The following PLXNA4 variants were observed in gnomAD, a reference collection of about 807,000 sequenced individuals.
PLXNA4 encodes plexin-A4.
Under a neutral mutation model 191.8 loss-of-function variants are expected in PLXNA4, and 44 were observed. The observed-to-expected ratio is 0.23, with a 90% CI of 0.18 to 0.29. PLXNA4 has a LOEUF of 0.29. Among genes scored for constraint, PLXNA4 ranks in the 10% least tolerant of loss-of-function variants. PLXNA4 has a pLI of 1.00. For synonymous variants in PLXNA4, 1,082 were observed against 1,009.5 expected (o/e 1.07, Z -1.36); for missense variants, 1,800 against 2,488.8 (o/e 0.72, Z 5.89).
intron 21 of PLXNA4, among the ~76,000 whole-genome samples, chr7:132,172,009 T>G (rs1584792251): frequency 6.6e-6 from 1 of 152,128 alleles, no homozygotes; most frequent in African/African-American, 2.4e-5. Context: ...AGACATCTAG[T>G]GCATCAGGGT....
At chr7:132,500,883 G>A (rs1208432667) in intron 2 of PLXNA4, among the ~76,000 whole-genome samples, 2 of 152,292 alleles carry the variant, frequency 1.3e-5, no homozygotes, top group East Asian at 3.9e-4. Context: ...TGCTTGCCCA[G>A]TGATATCTCA....
intron 2 of PLXNA4, among the ~76,000 whole-genome samples, chr7:132,585,517 GT>G (rs1802491638): frequency 6.6e-6 from 1 of 151,232 alleles, no homozygotes; most frequent in East Asian, 1.9e-4. Context: ...AAAGATAGAT[GT>G]GGTAATTATT....
intron 3 of PLXNA4, among the ~76,000 whole-genome samples, chr7:132,485,973 T>C (rs1179013483): frequency 1.3e-5 from 2 of 152,134 alleles, no homozygotes; most frequent in African/African-American, 4.8e-5. Flanking sequence ...AGCCCACGGA[T>C]AGCTCGGTCT....
rs187119410 is a variant in PLXNA4 at position 132,229,827 on chromosome 7, G to A, written c.1605-1358C>T. On this transcript the variant is annotated intron_variant, in intron 5 of 31. Coordinates refer to ENST00000321063, the MANE Select transcript of PLXNA4 (RefSeq NM_020911.2). ...GTGGGGCAAGGAGATGAGGGAAGGGGGTACCTGGACACCCTGAGCTGCTAT... is the reference window on the plus strand; with the variant it reads ...GTGGGGCAAGGAGATGAGGGAAGGGAGTACCTGGACACCCTGAGCTGCTAT... Among the ~76,000 whole-genome samples, 8 of 151,954 alleles carry A rather than the reference G, an allele frequency of 5.3e-5. No homozygotes were observed. In the East Asian group the frequency reaches 7.8e-4, roughly 15 times the overall value.
At chr7:132,203,659 G>C (rs993209898) in intron 10 of PLXNA4, among the ~76,000 whole-genome samples, 1 of 152,242 alleles carries the variant, frequency 6.6e-6, no homozygotes, top group African/African-American at 2.4e-5. Flanking sequence ...AGGCCTCCAA[G>C]CATGCCCCTG....
chr7:132,395,350 C>A (rs913525395), intron 3 of PLXNA4, among the ~76,000 whole-genome samples: 2 of 152,102 alleles, frequency 1.3e-5, no homozygotes, highest in Non-Finnish European at 2.9e-5. Flanking sequence ...GGAGTGGGGA[C>A]AAGATGAATA....
At chr7:132,521,648 T>G (rs1392458386) in intron 1 of PLXNA4, among the ~76,000 whole-genome samples, 1 of 152,164 alleles carries the variant, frequency 6.6e-6, no homozygotes, top group Non-Finnish European at 1.5e-5. Flanking sequence ...TATCTCTGTG[T>G]TTGTGCCAGC....
At chr7:132,563,695 CT>C (rs1257637458) in intron 1 of PLXNA4, among the ~76,000 whole-genome samples, 1 of 113,800 alleles carries the variant, frequency 8.8e-6, no homozygotes, top group Non-Finnish European at 1.8e-5. Flanking sequence ...CCTCCTCCTC[CT>C]TCTCCTCCTC....
At chr7:132,203,728 C>T (rs1797520563) in intron 10 of PLXNA4, among the ~76,000 whole-genome samples, 1 of 152,228 alleles carries the variant, frequency 6.6e-6, no homozygotes, top group Non-Finnish European at 1.5e-5. Flanking sequence ...CTGTGGGTCT[C>T]AGGCAGGAGG....
At chr7:132,225,564 T>A (rs973972856) in intron 8 of PLXNA4, among the ~76,000 whole-genome samples, 1 of 151,696 alleles carries the variant, frequency 6.6e-6, no homozygotes, top group Admixed American at 6.6e-5. Flanking sequence ...GATACTTAAG[T>A]CAAACAAAGC....
chr7:132,315,721 G>T (rs544804252), intron 3 of PLXNA4, among the ~76,000 whole-genome samples: 1 of 152,320 alleles, frequency 6.6e-6, no homozygotes, highest in Admixed American at 6.5e-5. Flanking sequence ...TGAGGAGTGT[G>T]CTTCCCAGAA....
intron 3 of PLXNA4, among the ~76,000 whole-genome samples, chr7:132,332,620 G>A (rs937601195): frequency 1.3e-5 from 2 of 152,036 alleles, no homozygotes; most frequent in African/African-American, 2.4e-5. Flanking sequence ...AGGCCAAGGC[G>A]GGAGGACTGC....
intron 21 of PLXNA4, among the ~76,000 whole-genome samples, chr7:132,172,329 C>T (rs1796310973): frequency 2.0e-5 from 3 of 152,310 alleles, no homozygotes; most frequent in South Asian, 4.1e-4. Flanking sequence ...AAGGTTGGTA[C>T]ATGACCAGTG....
intron 3 of PLXNA4, among the ~76,000 whole-genome samples, chr7:132,438,348 T>C (rs1408550992): frequency 1.3e-5 from 2 of 152,184 alleles, no homozygotes; most frequent in African/African-American, 2.4e-5. Context: ...GCCTGGCATG[T>C]AGTAAGTGCT....
intron 4 of PLXNA4, among the ~76,000 whole-genome samples, chr7:132,275,777 C>T (rs73723767): frequency 9.2e-5 from 14 of 152,202 alleles, no homozygotes; most frequent in African/African-American, 3.4e-4. Context: ...AGGGTTGTCA[C>T]CCCCATGCAT....
chr7:132,391,755 G>C (rs910638200), intron 3 of PLXNA4, among the ~76,000 whole-genome samples: 1 of 152,204 alleles, frequency 6.6e-6, no homozygotes, highest in Non-Finnish European at 1.5e-5. Context: ...TGTTCATCCA[G>C]TAGTCAGAGG....
intron 5 of PLXNA4, among the ~76,000 whole-genome samples, chr7:132,238,047 T>C (rs1405686065): frequency 6.6e-6 from 1 of 152,136 alleles, no homozygotes; most frequent in Non-Finnish European, 1.5e-5. Flanking sequence ...CCGCTTAAAA[T>C]AGTCCCCGAA....
chr7:132,355,887 C>G (rs1803682798), intron 3 of PLXNA4, among the ~76,000 whole-genome samples: 1 of 151,922 alleles, frequency 6.6e-6, no homozygotes, highest in East Asian at 1.9e-4. Context: ...AGGAAGGTAC[C>G]ATTTTGTTAA....
chr7:132,561,888 G>GCCTTCT (rs769423064), intron 1 of PLXNA4, among the ~76,000 whole-genome samples: 1 of 52,806 alleles, frequency 1.9e-5, no homozygotes, highest in African/African-American at 7.7e-5. Context: ...CTTCTCCTCT[G>GCCTTCT]CCTTCTCCTT....
Sources: allele counts gnomAD v4.1 joint callset (sites outside exome capture counted in the v4.1 genomes callset), GRCh38; gene constraint gnomAD v4.1.1; transcripts MANE v1.5; gene names NCBI Gene and HGNC (gene_info 2026-07-23, HGNC 2026-07-21).